IQSEC1: variants seen among roughly 807,000 people sequenced by gnomAD.
The protein encoded by IQSEC1 is IQ motif and Sec7 domain ArfGEF 1, also known as IQ motif and SEC7 domain-containing protein 1.
In IQSEC1, 31 loss-of-function variants were observed where a neutral mutation model predicts 91.0. The ratio of observed to expected loss-of-function variants is 0.34; its 90% CI spans 0.26 to 0.46. The LOEUF is 0.46. Among genes scored for constraint, IQSEC1 ranks in the 20% least tolerant of loss-of-function variants. The pLI is 1.00. For missense variants in IQSEC1, 1,388 were observed against 1,575.6 expected (o/e 0.88, Z 2.02); for synonymous variants, 699 against 662.6 (o/e 1.05, Z -0.84).
chr3:13,191,438 T>C, intron 1 of IQSEC1, among the ~76,000 whole-genome samples: 1 of 151,636 alleles, frequency 6.6e-6, no homozygotes, highest in East Asian at 1.9e-4. Context: ...AGCACATGTG[T>C]ATTTCCAGCC....
In IQSEC1 at chr3:12,941,708, G is replaced by T. The variant is rs753778368; in HGVS notation, c.181C>A (p.Gln61Lys). ...TTGGGCCTCCGCGTGCGCTGCTGTT[G>T]CCCCGGCGGCCCCGAGTACAGCCCA... ...AYGLYSGPPGQQQRTRRPKLQ... is the reference protein window; with the variant it reads ...AYGLYSGPPGKQQRTRRPKLQ... The change falls in exon 2 of 14, where the codon CAA becomes AAA. Residue 61 changes from glutamine to lysine, a missense_variant. Around this residue, in one of 2 missense-constraint regions of IQSEC1, gnomAD observed 1,059 missense variants for 1,317.8 expected, o/e 0.80. Transcript: ENST00000613206. 4 of 1,612,562 alleles carry T rather than the reference G, an allele frequency of 2.5e-6. No individual in the cohort carries two copies. Among genetic ancestry groups the T allele is most frequent in the Non-Finnish European group, 3.4e-6 (4 of 1,179,960 alleles).
chr3:13,238,424 C>T (rs1264236672), intron 1 of IQSEC1, among the ~76,000 whole-genome samples: 3 of 152,230 alleles, frequency 2.0e-5, no homozygotes, highest in Non-Finnish European at 4.4e-5. Context: ...AACCCCAGGG[C>T]TCATCCCCTT....
intron 1 of IQSEC1, among the ~76,000 whole-genome samples, chr3:13,180,012 C>A (rs1693809715): frequency 6.6e-6 from 1 of 151,934 alleles, no homozygotes; most frequent in South Asian, 2.1e-4. Context: ...TCTCCGTGGG[C>A]TCCTGTGAGG....
chr3:13,148,157 G>GTTTTAA (rs1241093885), intron 2 of IQSEC1, among the ~76,000 whole-genome samples: 1 of 152,124 alleles, frequency 6.6e-6, no homozygotes, highest in Non-Finnish European at 1.5e-5. Flanking sequence ...ATGACCTTGG[G>GTTTTAA]TAGGCCACTT....
chr3:12,938,695 T>C (rs1387713511), intron 2 of IQSEC1, among the ~76,000 whole-genome samples: 1 of 151,950 alleles, frequency 6.6e-6, no homozygotes, highest in African/African-American at 2.4e-5. Flanking sequence ...TCACTGTACT[T>C]TGTGGGCGGC....
At chr3:13,114,778 G>A (rs917681139) in intron 2 of IQSEC1, among the ~76,000 whole-genome samples, 1 of 140,686 alleles carries the variant, frequency 7.1e-6, no homozygotes, top group East Asian at 2.1e-4. Context: ...GGGTGACAGA[G>A]TGAGACATCG....
chr3:13,191,454 C>T (rs1427715536), intron 1 of IQSEC1, among the ~76,000 whole-genome samples: 1 of 149,968 alleles, frequency 6.7e-6, no homozygotes. Flanking sequence ...CAGCCTGCAG[C>T]TCCCAGTCCC....
chr3:13,231,887 A>G (rs761902266), intron 1 of IQSEC1, among the ~76,000 whole-genome samples: 1 of 152,198 alleles, frequency 6.6e-6, no homozygotes. Context: ...GATGCCGTGC[A>G]TGACTTCTGA....
At chr3:13,280,125 TGAGGCTAC>T (rs1276681326) in intron 1 of IQSEC1, among the ~76,000 whole-genome samples, 1 of 152,200 alleles carries the variant, frequency 6.6e-6, no homozygotes, top group African/African-American at 2.4e-5. Flanking sequence ...TCAGAAAACC[TGAGGCTAC>T]GAGGGGTAGT....
At chr3:13,099,767 C>G (rs1411143307) in intron 2 of IQSEC1, among the ~76,000 whole-genome samples, 1 of 152,238 alleles carries the variant, frequency 6.6e-6, no homozygotes, top group African/African-American at 2.4e-5. Flanking sequence ...AAAGCAGTCC[C>G]TGTTCAAGCC....
intron 7 of IQSEC1, 33 bp downstream of exon 7, chr3:12,915,561 G>A (rs1416582454): frequency 6.2e-7 from 1 of 1,605,802 alleles, no homozygotes; most frequent in Non-Finnish European, 8.5e-7. Context: ...GGGTGGTGCT[G>A]GGGCCCACCA....
intron 1 of IQSEC1, among the ~76,000 whole-genome samples, chr3:13,266,996 T>C (rs1460155923): frequency 6.7e-6 from 1 of 150,372 alleles, no homozygotes; most frequent in Admixed American, 6.6e-5. Flanking sequence ...GCTTACTCGA[T>C]TGGACCTTGC....
rs1698633303 is a variant in IQSEC1 at position 12,940,316 on chromosome 3, G to A, written c.318+1255C>T. ...AGTATCTGCACCACTCCCTTAGGAA[G>A]TTGGGGCACACCAGGCCCAGAACTC... On this transcript the variant is annotated intron_variant, in intron 2 of 13. Coordinates refer to ENST00000613206, the MANE Select transcript of IQSEC1 (RefSeq NM_001134382.3). The surrounding 1 kb of genome is among the most constrained non-coding windows in gnomAD (Gnocchi z 4.4). Among the ~76,000 whole-genome samples, 1 of 152,134 alleles carries A rather than the reference G, an allele frequency of 6.6e-6. No homozygotes were observed. The highest frequency in any genetic ancestry group is 1.5e-5 in the Non-Finnish European group (1 of 68,028).
At chr3:12,982,929 C>A (rs78427817) in intron 1 of IQSEC1, among the ~76,000 whole-genome samples, 1,754 of 152,360 alleles carry the variant, frequency 0.012, 31 homozygotes, top group African/African-American at 0.04. Context: ...GAGACAGTGG[C>A]AAGGTGCGGG....
rs781123855 is a variant in IQSEC1 at position 12,909,308 on chromosome 3, G to A, written c.2543C>T (p.Ala848Val). 2.2e-5 allele frequency: 36 copies of A among 1,614,046 alleles called. No homozygotes were observed. The highest frequency in any genetic ancestry group is 1.0e-4 in the Admixed American group (6 of 60,004). The change falls in exon 11 of 14, where the codon GCG becomes GTG. Residue 848 changes from alanine (A) to valine (V), a missense_variant. Around this residue, in one of 2 missense-constraint regions of IQSEC1, gnomAD observed 1,059 missense variants for 1,317.8 expected, o/e 0.80. Coordinates refer to ENST00000613206, the MANE Select transcript of IQSEC1 (RefSeq NM_001134382.3). The surrounding 1 kb of genome is among the most constrained non-coding windows in gnomAD (Gnocchi z 4.9). Reference protein sequence around the residue: ...KFTDDLRESIAEVQEMEKHRI... With the variant: ...KFTDDLRESIVEVQEMEKHRI... Reference sequence around the variant, plus strand: ...GTGCTTCTCCATCTCTTGGACTTCCGCAATGGACTCCCGCAGGTCATCGGT... The same window carrying A: ...GTGCTTCTCCATCTCTTGGACTTCCACAATGGACTCCCGCAGGTCATCGGT...
intron 13 of IQSEC1, among the ~76,000 whole-genome samples, chr3:12,901,928 G>A (rs1289023703): frequency 1.3e-5 from 2 of 152,202 alleles, no homozygotes; most frequent in Non-Finnish European, 1.5e-5. Flanking sequence ...GAGGAGCCCT[G>A]CTCCTGCTGA....
chr3:12,908,663 G>C lies in IQSEC1; in HGVS notation c.2579-138C>G, dbSNP rs973020499. ...GGGGAAGGGTTGTTTCTGGGAAAGA[G>C]GGTGTGATGGCCACCCTGGACAAAA... On this transcript the variant is annotated intron_variant, in intron 11 of 13. Transcript: ENST00000613206. The surrounding 1 kb of genome is among the most constrained non-coding windows in gnomAD (Gnocchi z 4.9). 5 of 913,066 alleles carry C rather than the reference G, an allele frequency of 5.5e-6. No individual in the cohort carries two copies. Among genetic ancestry groups the C allele is most frequent in the Non-Finnish European group, 8.4e-6 (5 of 595,270 alleles). 56.6% of individuals were successfully genotyped at this position (913,066 alleles called of 1,614,324 possible). A position where few individuals can be genotyped will look rare whatever the true frequency, so the allele number is the denominator to read the frequency against.
intron 1 of IQSEC1, among the ~76,000 whole-genome samples, chr3:12,958,704 T>G (rs1700068857): frequency 6.6e-6 from 1 of 152,204 alleles, no homozygotes; most frequent in African/African-American, 2.4e-5. Context: ...CTGGCTGGGA[T>G]GTGGCCATGC....
intron 1 of IQSEC1, among the ~76,000 whole-genome samples, chr3:12,951,697 G>A (rs1360887372): frequency 1.3e-5 from 2 of 152,166 alleles, no homozygotes; most frequent in Non-Finnish European, 1.5e-5. Context: ...CTAGGGAGCA[G>A]TAGGGTGAGG....
Sources: allele counts gnomAD v4.1 joint callset (sites outside exome capture counted in the v4.1 genomes callset), GRCh38; gene constraint gnomAD v4.1.1; regional missense constraint gnomAD v4.1.1; non-coding constraint Gnocchi (gnomAD v3.1); transcripts MANE v1.5; gene names NCBI Gene and HGNC (gene_info 2026-07-23, HGNC 2026-07-21).